Variants in ZNF251 observed in about 807,000 individuals in gnomAD.
ZNF251 encodes zinc finger protein 251.
A neutral mutation model predicts 13.5 loss-of-function variants in ZNF251; 14 were observed. The observed-to-expected ratio is 1.04, with a 90% CI of 0.69 to 1.63. ZNF251 has a LOEUF of 1.63. ZNF251 is among the 40% of genes most tolerant of loss of function. The probability of loss-of-function intolerance (pLI) is 0.00; values close to 1 mark genes in which losing one functional copy is unlikely to be tolerated. For synonymous variants in ZNF251, 287 were observed against 295.2 expected, an observed-to-expected ratio of 0.97 and a Z score of 0.28; for missense variants, 764 against 834.9, an observed-to-expected ratio of 0.92 and a Z score of 1.05.
chr8:144,721,335 G>C lies in ZNF251; in HGVS notation c.*309C>G, dbSNP rs188590958. ...AAAGGATAAGACTGGAAGGATGTCAGGTAGGGTAGACCCAGAGCACCAGCT... is the reference window on the plus strand; with the variant it reads ...AAAGGATAAGACTGGAAGGATGTCACGTAGGGTAGACCCAGAGCACCAGCT... On this transcript the variant is annotated 3_prime_UTR_variant, in exon 5 of 5. Coordinates refer to ENST00000292562, the MANE Select transcript of ZNF251 (RefSeq NM_138367.2). The C allele has an allele frequency of 2.3e-5, 9 of 385,280 alleles. No homozygotes were observed. The highest frequency in any genetic ancestry group is 4.5e-5 in the Admixed American group (1 of 22,258). 23.9% of individuals were successfully genotyped at this position (385,280 alleles called of 1,614,324 possible).
At chr8:144,742,403 G>C (rs1192376389) in intron 4 of ZNF251, among the ~76,000 whole-genome samples, 1 of 151,686 alleles carries the variant, frequency 6.6e-6, no homozygotes, top group Non-Finnish European at 1.5e-5. Flanking sequence ...AGATTTTTTT[G>C]AAAATACTTT....
In ZNF251 at chr8:144,723,290, A is replaced by C. The variant is rs764580795; in HGVS notation, c.370T>G (p.Leu124Val). The C allele has an allele frequency of 1.3e-6, 2 of 1,586,322 alleles. No individual in the cohort carries two copies. The highest frequency in any genetic ancestry group is 2.7e-5 in the African/African-American group (2 of 73,392). ...TCAGCGGCCTGTGCATTATCCCTTA[A>C]GAGTCTTCTTGATACAAATTCTGGG... ...KTPEFVSRRL[L>V]RDNAQAAEFR... is the part of the protein sequence containing the mutation. Residue 124 changes from leucine (L) to valine (V), a missense_variant, in exon 5 of 5, where the codon TTA becomes GTA. Leu to Val is a conservative substitution (Grantham distance 32, BLOSUM62 1). Coordinates refer to ENST00000292562, the MANE Select transcript of ZNF251 (RefSeq NM_138367.2).
intron 4 of ZNF251, among the ~76,000 whole-genome samples, chr8:144,736,031 T>C (rs1032623255): frequency 6.6e-6 from 1 of 152,152 alleles, no homozygotes; most frequent in African/African-American, 2.4e-5. Context: ...CCCAAATCCC[T>C]GGACTAAGAA....
chr8:144,729,668 G>T (rs924834595), intron 4 of ZNF251, among the ~76,000 whole-genome samples: 1 of 151,904 alleles, frequency 6.6e-6, no homozygotes, highest in African/African-American at 2.4e-5. Context: ...GGTCCTCCCT[G>T]ATGTCTCATA....
intron 4 of ZNF251, among the ~76,000 whole-genome samples, chr8:144,746,992 C>T (rs974182861): frequency 6.6e-6 from 1 of 151,840 alleles, no homozygotes; most frequent in Non-Finnish European, 1.5e-5. Context: ...TATTTCTTTT[C>T]TTCTGCTTAC....
chr8:144,744,622 G>A (rs146728310), intron 4 of ZNF251, among the ~76,000 whole-genome samples: 150 of 152,274 alleles, frequency 9.9e-4, no homozygotes, highest in African/African-American at 3.3e-3. Flanking sequence ...TATAAGAAGA[G>A]ATACCAGAGA....
At chr8:144,743,990 T>TTTCTCATTC (rs1464938017) in intron 4 of ZNF251, among the ~76,000 whole-genome samples, 3 of 151,456 alleles carry the variant, frequency 2.0e-5, no homozygotes, top group African/African-American at 7.3e-5. Flanking sequence ...CTATGGACTG[T>TTTCTCATTC]TTCTCATTCT....
chr8:144,745,742 TCTCA>T (rs1824396642), intron 4 of ZNF251, among the ~76,000 whole-genome samples: 1 of 152,006 alleles, frequency 6.6e-6, no homozygotes, highest in South Asian at 2.1e-4. Context: ...AGATATGGGG[TCTCA>T]CTATGTTGCC....
intron 3 of ZNF251, 111 bp downstream of exon 3, chr8:144,754,080 AC>A: frequency 7.1e-7 from 1 of 1,399,056 alleles, no homozygotes; most frequent in Non-Finnish European, 9.6e-7. Flanking sequence ...TCAGACTGAT[AC>A]CCGGGGACAA....
intron 4 of ZNF251, among the ~76,000 whole-genome samples, chr8:144,750,296 G>C (rs1227440647): frequency 6.6e-6 from 1 of 152,162 alleles, no homozygotes; most frequent in Non-Finnish European, 1.5e-5. Flanking sequence ...CCTGTTTTCA[G>C]GTGTTGGGGT....
chr8:144,733,009 G>A (rs1243570155), intron 4 of ZNF251, among the ~76,000 whole-genome samples: 1 of 151,950 alleles, frequency 6.6e-6, no homozygotes, highest in Non-Finnish European at 1.5e-5. Flanking sequence ...ATCATCTGAG[G>A]TCAGGAGTTC....
intron 3 of ZNF251, 63 bp from the exon 4 acceptor site, chr8:144,753,859 G>C (rs1824821989): frequency 2.3e-6 from 3 of 1,292,872 alleles, no homozygotes; most frequent in Non-Finnish European, 2.2e-6. Context: ...GCCAGGTGTG[G>C]AGAGATGGGC....
At chr8:144,738,593 C>T in intron 4 of ZNF251, 1 of 985,452 alleles carries the variant, frequency 1.0e-6, no homozygotes, top group Non-Finnish European at 1.2e-6. Context: ...AATTGGCAGC[C>T]TCGTGATGCA....
At chr8:144,755,331 TC>T (rs1824911396) in intron 1 of ZNF251, 73 bp downstream of exon 1, 1 of 1,250,644 alleles carries the variant, frequency 8.0e-7, no homozygotes, top group African/African-American at 1.6e-5. Context: ...GGCCGCCGCC[TC>T]CCCGCGCCCT....
intron 4 of ZNF251, among the ~76,000 whole-genome samples, chr8:144,741,489 A>T (rs907686157): frequency 2.6e-5 from 4 of 152,214 alleles, no homozygotes; most frequent in African/African-American, 9.6e-5. Flanking sequence ...AGAACCAAGA[A>T]AATAGAGCAC....
At position 144,722,487 on chromosome 8, in the gene ZNF251, G is replaced by C; in HGVS notation, c.1173C>G (p.Ser391Arg). Residue 391 changes from serine (S) to arginine (R), a missense_variant, in exon 5 of 5, where the codon AGC becomes AGG. Ser to Arg is a moderately radical substitution (Grantham distance 110). Coordinates refer to ENST00000292562, the MANE Select transcript of ZNF251 (RefSeq NM_138367.2). The surrounding 1 kb of genome is among the most constrained non-coding windows in gnomAD (Gnocchi z 4.8). ...QCGKAFSQSS[S>R]LFLHHRVHTG... Reference sequence around the variant, plus strand: ...TATGAACCCGATGATGGAGGAAAAGGCTTGAGCTCTGACTGAAGGCCTTCC... The same window carrying C: ...TATGAACCCGATGATGGAGGAAAAGCCTTGAGCTCTGACTGAAGGCCTTCC... 6.2e-7 allele frequency: 1 copy of C among 1,613,828 alleles called. No individual in the cohort carries two copies.
At chr8:144,753,658 G>T in intron 4 of ZNF251, 25 bp downstream of exon 4, 1 of 1,541,158 alleles carries the variant, frequency 6.5e-7, no homozygotes, top group Non-Finnish European at 8.8e-7. Context: ...GCTGCTCCCA[G>T]GATTAGCATC....
Position 144,737,175 on chromosome 8 carries a change from G to A in ZNF251, c.278-13793C>T, listed in dbSNP as rs553332621. Reference sequence around the variant, plus strand: ...GTACAGTGGATGATCTCAGCTCATGGCAGTCTTGACCTTCCAGGCTCAAGC... The same window carrying A: ...GTACAGTGGATGATCTCAGCTCATGACAGTCTTGACCTTCCAGGCTCAAGC... On this transcript the variant is annotated intron_variant, in intron 4 of 4. Coordinates refer to ENST00000292562, the MANE Select transcript of ZNF251 (RefSeq NM_138367.2). 3.3e-5 allele frequency among the ~76,000 whole-genome samples: 5 copies of A among 152,098 alleles called. No individual in the cohort carries two copies. In the East Asian group the frequency reaches 9.7e-4, roughly 30 times the overall value.
chr8:144,743,460 C>T (rs756782677), intron 4 of ZNF251, among the ~76,000 whole-genome samples: 9 of 152,114 alleles, frequency 5.9e-5, no homozygotes, highest in Non-Finnish European at 1.0e-4. Flanking sequence ...CAGTTGCTTC[C>T]GACTTTTGGT....
Sources: gnomAD v4.1 joint callset for allele counts (sites outside exome capture counted in the v4.1 genomes callset) on GRCh38, gnomAD v4.1.1 for gene constraint, Gnocchi (gnomAD v3.1) non-coding constraint, MANE v1.5 for transcripts, NCBI Gene and HGNC (gene_info 2026-07-23, HGNC 2026-07-21) for gene names.